DNAJA2: variants seen among roughly 807,000 people sequenced by gnomAD.
The protein encoded by DNAJA2 is DnaJ heat shock protein family (Hsp40) member A2.
Under a neutral mutation model 49.3 loss-of-function variants are expected in DNAJA2, and 6 were observed. The ratio of observed to expected loss-of-function variants is 0.12; its 90% CI spans 0.07 to 0.24. The LOEUF (loss-of-function observed/expected upper bound fraction) is 0.24, where lower values mean the gene tolerates loss of function less well. Ranked by LOEUF, DNAJA2 falls within the 10% of genes least tolerant of loss-of-function variation. The probability of loss-of-function intolerance (pLI) is 1.00; values close to 1 mark genes in which losing one functional copy is unlikely to be tolerated. For missense variants in DNAJA2, 347 were observed against 516.8 expected (o/e 0.67, Z 3.19); for synonymous variants, 160 against 172.7 (o/e 0.93, Z 0.58).
intron 5 of DNAJA2, among the ~76,000 whole-genome samples, chr16:46,965,153 T>G (rs1432629712): frequency 6.6e-6 from 1 of 152,046 alleles, no homozygotes; most frequent in Non-Finnish European, 1.5e-5. Context: ...GAGGCTGCAG[T>G]TAGTTATAAT....
At chr16:46,967,893 G>C (rs1017002520) in intron 4 of DNAJA2, among the ~76,000 whole-genome samples, 191 bp downstream of exon 4, 3 of 152,034 alleles carry the variant, frequency 2.0e-5, no homozygotes, top group African/African-American at 7.2e-5. Flanking sequence ...TTCACCTCTC[G>C]GGTTCAAGCG....
At chr16:46,963,375 T>C (rs1447251694) in intron 6 of DNAJA2, among the ~76,000 whole-genome samples, 1 of 151,932 alleles carries the variant, frequency 6.6e-6, no homozygotes, top group African/African-American at 2.4e-5. Context: ...AAAATCAAAA[T>C]AACATACACT....
intron 6 of DNAJA2, among the ~76,000 whole-genome samples, chr16:46,961,747 T>C (rs138441869): frequency 2.0e-5 from 3 of 152,104 alleles, no homozygotes; most frequent in Non-Finnish European, 4.4e-5. Flanking sequence ...TTAAACAGAA[T>C]AAACAAGCAA....
intron 3 of DNAJA2, among the ~76,000 whole-genome samples, chr16:46,969,210 CCTATA>C (rs1962013280): frequency 6.6e-6 from 1 of 152,162 alleles, no homozygotes; most frequent in Non-Finnish European, 1.5e-5. Flanking sequence ...TTACAAAGCA[CCTATA>C]CTATTTTGTG....
rs1961798095 is a variant in DNAJA2 at position 46,955,668 on chromosome 16, A to T, written c.*1361T>A. The stretch of plus-strand genomic sequence containing the variant: ...CTCAGGGATGGCATTTAATACATTT[A>T]AAATTTTTAGTTTTCAGTTTTCCCC... On this transcript the variant is annotated 3_prime_UTR_variant, in exon 9 of 9. Transcript: ENST00000317089. 6.6e-6 allele frequency: 1 copy of T among 152,218 alleles called. No homozygotes were observed. Among genetic ancestry groups the T allele is most frequent in the Non-Finnish European group, 1.5e-5 (1 of 68,044 alleles). 9.4% of individuals were successfully genotyped at this position (152,218 alleles called of 1,614,324 possible).
chr16:46,971,504 G>A lies in DNAJA2; in HGVS notation c.207C>T (p.Tyr69=), dbSNP rs372844339. 3 of 1,613,226 alleles carry A rather than the reference G, an allele frequency of 1.9e-6. No homozygotes were observed. The highest frequency in any genetic ancestry group is 2.5e-6 in the Non-Finnish European group (3 of 1,179,798). ...NPEKRELYDR[Y]GEQGLREGSG... is the part of the protein sequence containing the mutation. ...TGCCTTCCCGAAGACCTTGCTCTCC[G>A]TATCTGTCATATAACTCACGCTTCT... The change falls in exon 3 of 9, where the codon TAC becomes TAT. Residue 69 remains tyrosine, a synonymous_variant. Transcript: ENST00000317089.
At chr16:46,965,787 C>T (rs1011609196) in intron 5 of DNAJA2, among the ~76,000 whole-genome samples, 16 of 148,566 alleles carry the variant, frequency 1.1e-4, no homozygotes, top group East Asian at 2.0e-4. Flanking sequence ...GCTGAGATCA[C>T]GCAACTGCAC....
intron 5 of DNAJA2, among the ~76,000 whole-genome samples, chr16:46,967,309 C>G (rs951412347): frequency 3.9e-5 from 6 of 152,004 alleles, no homozygotes; most frequent in Admixed American, 3.3e-4. Context: ...ATTGCCCAAG[C>G]TGGCCTCAAA....
chr16:46,961,274 G>A (rs945535324), intron 6 of DNAJA2, among the ~76,000 whole-genome samples: 1 of 151,972 alleles, frequency 6.6e-6, no homozygotes, highest in African/African-American at 2.4e-5. Flanking sequence ...CAGCTACTTG[G>A]GAGGCTGAGG....
intron 6 of DNAJA2, among the ~76,000 whole-genome samples, chr16:46,961,571 A>G: frequency 9.3e-6 from 1 of 106,982 alleles, no homozygotes; most frequent in African/African-American, 3.1e-5. Flanking sequence ...GTGACAGGGC[A>G]AGACTGTCTC....
intron 8 of DNAJA2, 181 bp downstream of exon 8, chr16:46,958,822 G>A: frequency 3.2e-6 from 2 of 620,216 alleles, no homozygotes; most frequent in Non-Finnish European, 5.2e-6. Context: ...ACACACACCT[G>A]TAGTCCCAGC....
intron 4 of DNAJA2, 23 bp from the exon 5 acceptor site, chr16:46,967,669 A>G (rs753663895): frequency 2.5e-6 from 4 of 1,614,044 alleles, no homozygotes; most frequent in Non-Finnish European, 8.5e-7. Flanking sequence ...CAAGTTATGC[A>G]TTAGGTTTTT....
chr16:46,971,523 C>G lies in DNAJA2; in HGVS notation c.188G>C (p.Arg63Pro). Residue 63 changes from arginine to proline, a missense_variant, in exon 3 of 9, where the codon CGT (arginine) becomes CCT (proline). By Grantham distance (103) the Arg-to-Pro change is moderately radical (BLOSUM62 -2). Coordinates refer to ENST00000317089, the MANE Select transcript of DNAJA2 (RefSeq NM_005880.4). ...CTCTCCGTATCTGTCATATAACTCA[C>G]GCTTCTCAGGATTTGATAGTACTTC... is the stretch of plus-strand genomic sequence containing the variant. ...AYEVLSNPEKRELYDRYGEQG... is the reference protein window; with the variant it reads ...AYEVLSNPEKPELYDRYGEQG... 6.2e-7 allele frequency: 1 copy of G among 1,610,232 alleles called. No individual in the cohort carries two copies. The highest frequency in any genetic ancestry group is 8.5e-7 in the Non-Finnish European group (1 of 1,178,888).
chr16:46,967,927 C>T (rs777006758), intron 4 of DNAJA2, among the ~76,000 whole-genome samples, 157 bp downstream of exon 4: 4 of 152,056 alleles, frequency 2.6e-5, no homozygotes, highest in Non-Finnish European at 5.9e-5. Flanking sequence ...AGGTGATCCA[C>T]CCGACTCGGC....
chr16:46,965,633 C>A (rs972386843), intron 5 of DNAJA2, among the ~76,000 whole-genome samples: 1 of 151,516 alleles, frequency 6.6e-6, no homozygotes, highest in Non-Finnish European at 1.5e-5. Context: ...GAGTTTGAGA[C>A]CAGCCTGGCC....
chr16:46,963,572 G>A (rs912065316), intron 6 of DNAJA2, among the ~76,000 whole-genome samples: 3 of 151,458 alleles, frequency 2.0e-5, no homozygotes, highest in Non-Finnish European at 4.4e-5. Context: ...GCATGATGGT[G>A]CACCAGTTGT....
chr16:46,971,392 G>A lies in DNAJA2; in HGVS notation c.319C>T (p.Arg107Ter). 6.2e-7 allele frequency: 1 copy of A among 1,613,564 alleles called. No individual in the cohort carries two copies. The highest frequency in any genetic ancestry group is 8.5e-7 in the Non-Finnish European group (1 of 1,179,860). ...FGFMGNQSRS[R>*]NGRRRGEDMM... ...TCCTCTCCTCTTCTTCTGCCATTTC[G>A]ACTTCTACTCTGATTGCCCATGAAG... The change falls in exon 3 of 9, where the codon CGA becomes TGA. Residue 107 changes from arginine (R) to a stop codon, truncating the protein, a stop_gained. Coordinates refer to ENST00000317089, the MANE Select transcript of DNAJA2 (RefSeq NM_005880.4). LOFTEE classifies it high-confidence loss of function.
chr16:46,958,569 A>C (rs1156313982), intron 8 of DNAJA2: 1 of 91,618 alleles, frequency 1.1e-5, no homozygotes, highest in Non-Finnish European at 2.4e-5. Flanking sequence ...ATCTCAAAAA[A>C]AAAAACAAAA....
In DNAJA2 at chr16:46,965,125, G is replaced by T. The variant is rs1961950750; in HGVS notation, c.578-318C>A. 2.0e-5 allele frequency among the ~76,000 whole-genome samples: 3 copies of T among 152,102 alleles called. 1 individual carries two copies. The highest frequency in any genetic ancestry group is 7.2e-5 in the African/African-American group (3 of 41,420). On this transcript the variant is annotated intron_variant, in intron 5 of 8. Transcript: ENST00000317089. ...CCTGGCTACTGGGGAGGCTGAGGAG[G>T]GAGGACTGCTGGAGTTCGAGGCTGC...
Sources: gnomAD v4.1 joint callset for allele counts (sites outside exome capture counted in the v4.1 genomes callset) on GRCh38, gnomAD v4.1.1 for gene constraint, MANE v1.5 for transcripts, NCBI Gene and HGNC (gene_info 2026-07-23, HGNC 2026-07-21) for gene names.